The following GARIN5B variants were observed in gnomAD, a reference collection of about 807,000 sequenced individuals.
GARIN5B encodes the protein Golgi-associated RAB2 interactor protein 5B.
chr19:55,357,170 G>T, the GARIN5B span, among the ~76,000 whole-genome samples: 1 of 152,204 alleles, frequency 6.6e-6, no homozygotes, highest in Non-Finnish European at 1.5e-5. Context: ...CTACGGGTCA[G>T]CCTGTTATGG....
chr19:55,360,493 AC>A, the GARIN5B span, among the ~76,000 whole-genome samples: 475 of 13,470 alleles, frequency 0.035, 4 homozygotes, highest in Middle Eastern at 0.062. Flanking sequence ...CAGGCCCCCC[AC>A]CCCTCCTCCC....
chr19:55,361,866 T>C, the GARIN5B span, among the ~76,000 whole-genome samples: 3,869 of 59,356 alleles, frequency 0.065, 479 homozygotes, highest in Middle Eastern at 0.16. Flanking sequence ...TGCCAGCCCT[T>C]CACCCTCAGA....
chr19:55,360,842 G>C, the GARIN5B span: 2 of 1,549,432 alleles, frequency 1.3e-6, no homozygotes, highest in Non-Finnish European at 1.7e-6. Flanking sequence ...GGTGGGGTGG[G>C]TTGATCTTAC....
At chr19:55,357,743 G>A in the GARIN5B span, among the ~76,000 whole-genome samples, 1 of 152,186 alleles carries the variant, frequency 6.6e-6, no homozygotes, top group African/African-American at 2.4e-5. Context: ...GCACAGAGTC[G>A]GCACTCACTA....
chr19:55,361,019 T>A, the GARIN5B span: 1 of 1,550,972 alleles, frequency 6.4e-7, no homozygotes, highest in Non-Finnish European at 8.7e-7. Flanking sequence ...GCAGGTTTCT[T>A]CCTGACGTCA....
chr19:55,359,000 A>G, the GARIN5B span: 1 of 1,551,148 alleles, frequency 6.4e-7, no homozygotes. Flanking sequence ...GCTAATCAGG[A>G]TGTCCTTGGA....
the GARIN5B span, chr19:55,359,248 C>T: frequency 6.4e-7 from 1 of 1,551,190 alleles, no homozygotes; most frequent in Non-Finnish European, 8.7e-7. Context: ...GTGAGGTTGG[C>T]AGAGCCTTCT....
At chr19:55,356,858 C>T in the GARIN5B span, among the ~76,000 whole-genome samples, 1 of 151,944 alleles carries the variant, frequency 6.6e-6, no homozygotes, top group Non-Finnish European at 1.5e-5. Context: ...CGAGACCAGC[C>T]TGGCCAACAT....
the GARIN5B span, among the ~76,000 whole-genome samples, chr19:55,361,652 C>CCT: frequency 4.5e-5 from 3 of 66,892 alleles, no homozygotes; most frequent in Non-Finnish European, 8.7e-5. Flanking sequence ...GGGCCCCAGC[C>CCT]TCTCCTCCCT....
chr19:55,362,688 G>C, the GARIN5B span: 56 of 1,544,074 alleles, frequency 3.6e-5, 1 homozygote, highest in South Asian at 6.0e-4. Context: ...TGGCCAGCCG[G>C]TTGGTTCTGT....
the GARIN5B span, chr19:55,359,622 C>T: frequency 1.3e-6 from 2 of 1,550,700 alleles, no homozygotes; most frequent in Non-Finnish European, 1.7e-6. Context: ...GACTGGTCAA[C>T]AAGGAACGGT....
the GARIN5B span, chr19:55,359,590 A>G: frequency 3.2e-6 from 5 of 1,551,188 alleles, no homozygotes; most frequent in African/African-American, 6.9e-5. Flanking sequence ...ACGATGAAGC[A>G]GGTACAGCTG....
chr19:55,361,613 GTCCCTCCTCCCT>G, the GARIN5B span, among the ~76,000 whole-genome samples: 3 of 128,196 alleles, frequency 2.3e-5, no homozygotes, highest in East Asian at 5.2e-4. Context: ...CAGGCCCCCA[GTCCCTCCTCCCT>G]CAGACCCAGG....
the GARIN5B span, chr19:55,359,305 G>A: frequency 6.4e-7 from 1 of 1,551,018 alleles, no homozygotes. Context: ...GAGCAGTGGG[G>A]GACACAGCCT....
the GARIN5B span, chr19:55,358,055 A>C: frequency 1.6e-6 from 2 of 1,289,656 alleles, no homozygotes; most frequent in Non-Finnish European, 2.0e-6. Context: ...CCCTGTCAAA[A>C]AAAAAAAAAA....
chr19:55,360,786 T>C, the GARIN5B span: 2 of 1,551,620 alleles, frequency 1.3e-6, no homozygotes, highest in Non-Finnish European at 1.7e-6. Context: ...GGGGGAGCCG[T>C]CTGAGCCCTT....
chr19:55,362,926 G>T, the GARIN5B span: 1 of 1,502,752 alleles, frequency 6.7e-7, no homozygotes, highest in Non-Finnish European at 8.9e-7. Flanking sequence ...CCTGAACAAA[G>T]TTACTCTCGA....
At chr19:55,359,760 A>G in the GARIN5B span, 70 of 1,551,200 alleles carry the variant, frequency 4.5e-5, no homozygotes, top group Admixed American at 5.9e-5. Context: ...GTGGAGAGGC[A>G]GGCAGCCGGG....
At chr19:55,360,680 G>A in the GARIN5B span, 2 of 1,550,274 alleles carry the variant, frequency 1.3e-6, no homozygotes, top group African/African-American at 2.7e-5. Flanking sequence ...CCTGCCCCGG[G>A]TATAAGGCTG....
Sources: gnomAD v4.1 joint callset for allele counts (sites outside exome capture counted in the v4.1 genomes callset) on GRCh38, gnomAD v4.1.1 for gene constraint, MANE v1.5 for transcripts, NCBI Gene and HGNC (gene_info 2026-07-23, HGNC 2026-07-21) for gene names.